Variants in CRACD observed in about 807,000 individuals in gnomAD.
CRACD encodes the protein capping protein-inhibiting regulator of actin dynamics.
CRACD carries 56 observed loss-of-function variants against 106.8 expected under a neutral mutation model. That is an observed-to-expected ratio of 0.52 (90% confidence interval 0.42 to 0.66). CRACD has a LOEUF of 0.66. CRACD is among the 30% of genes least tolerant of loss of function. CRACD has a pLI of 0.00. For missense variants in CRACD, 1,730 were observed against 1,623.2 expected (o/e 1.07, Z -1.13); for synonymous variants, 754 against 670.8 (o/e 1.12, Z -1.92).
At chr4:56,313,814 T>A (rs1430044667) in intron 7 of CRACD, among the ~76,000 whole-genome samples, 2 of 151,930 alleles carry the variant, frequency 1.3e-5, no homozygotes, top group Admixed American at 6.6e-5. Flanking sequence ...AAGGAGCTGG[T>A]GGGGAGGGGG....
At chr4:56,268,614 G>A (rs935301501) in intron 2 of CRACD, among the ~76,000 whole-genome samples, 2 of 152,182 alleles carry the variant, frequency 1.3e-5, no homozygotes, top group African/African-American at 4.8e-5. Flanking sequence ...CTGTGATGCT[G>A]CCAAACTAGA....
chr4:56,227,581 G>T lies in CRACD; in HGVS notation c.-188-44740G>T, dbSNP rs1577766397. Among the ~76,000 whole-genome samples, 4 of 152,186 alleles carry T rather than the reference G, an allele frequency of 2.6e-5. No homozygotes were observed. In the East Asian group the frequency reaches 7.7e-4, roughly 29 times the overall value. On this transcript the variant is annotated intron_variant, in intron 2 of 10. Coordinates refer to ENST00000682029, the MANE Select transcript of CRACD (RefSeq NM_001393381.1). The stretch of plus-strand genomic sequence containing the variant: ...CAGAGATCGACCAACTTTTATAAAG[G>T]GCCAGATAGTAAATATTTTAGGCTT...
intron 2 of CRACD, among the ~76,000 whole-genome samples, chr4:56,251,311 G>T (rs1244400867): frequency 6.6e-6 from 1 of 152,102 alleles, no homozygotes; most frequent in Non-Finnish European, 1.5e-5. Flanking sequence ...AACTTTTCTG[G>T]TCTCACGTAG....
At chr4:56,142,120 CATT>C (rs1735224865) in intron 1 of CRACD, among the ~76,000 whole-genome samples, 2 of 152,174 alleles carry the variant, frequency 1.3e-5, no homozygotes. Context: ...CAGAAATAAT[CATT>C]GTTAATATTT....
chr4:56,183,281 A>G (rs1244962445), intron 2 of CRACD, among the ~76,000 whole-genome samples: 1 of 148,038 alleles, frequency 6.8e-6, no homozygotes, highest in Non-Finnish European at 1.5e-5. Flanking sequence ...AAAATAAAAT[A>G]AAATAAAAAG....
At chr4:56,133,029 A>G (rs1216256714) in intron 1 of CRACD, among the ~76,000 whole-genome samples, 1 of 152,220 alleles carries the variant, frequency 6.6e-6, no homozygotes, top group Non-Finnish European at 1.5e-5. Flanking sequence ...AGCAGACAAC[A>G]CAGCAGAAGC....
At chr4:56,285,526 A>T (rs1356302785) in intron 3 of CRACD, among the ~76,000 whole-genome samples, 1 of 151,992 alleles carries the variant, frequency 6.6e-6, no homozygotes, top group African/African-American at 2.4e-5. Flanking sequence ...TGCAGCCTCA[A>T]ACTCCTGAAT....
At chr4:56,133,295 G>A (rs971244923) in intron 1 of CRACD, among the ~76,000 whole-genome samples, 1 of 152,226 alleles carries the variant, frequency 6.6e-6, no homozygotes, top group African/African-American at 2.4e-5. Context: ...AACGGGCAAT[G>A]TGTAGTGTGG....
chr4:56,201,614 C>CA (rs1409361655), intron 2 of CRACD, among the ~76,000 whole-genome samples: 2 of 151,518 alleles, frequency 1.3e-5, no homozygotes, highest in Non-Finnish European at 2.9e-5. Context: ...CACAGATGGC[C>CA]AAAAAAATAC....
chr4:56,206,122 G>T (rs1450027873), intron 2 of CRACD, among the ~76,000 whole-genome samples: 2 of 152,196 alleles, frequency 1.3e-5, no homozygotes, highest in African/African-American at 4.8e-5. Context: ...AAAATAACCA[G>T]TTCTCTAGGT....
chr4:56,232,700 C>CTTTCTTTATTTA (rs1553912494), intron 2 of CRACD, among the ~76,000 whole-genome samples: 1 of 141,588 alleles, frequency 7.1e-6, no homozygotes, highest in Non-Finnish European at 1.5e-5. Context: ...AAACATGTAT[C>CTTTCTTTATTTA]TTTATTTATT....
rs1176976963 is a variant in CRACD, at chr4:56,066,683, T to C, written c.-336+17384T>C. On this transcript the variant is annotated intron_variant, in intron 1 of 10. Transcript: ENST00000682029. The stretch of plus-strand genomic sequence containing the variant: ...TGACACTCCCTGGTAAACAGGATTG[T>C]TCTGCTCTGGCCCTATATGTCTGCC... Among the ~76,000 whole-genome samples the C allele has an allele frequency of 2.0e-5, 3 of 152,316 alleles. No individual in the cohort carries two copies. The East Asian group carries it at 5.8e-4, about 29-fold the overall frequency.
At chr4:56,323,709 T>A in intron 9 of CRACD, 142 bp downstream of exon 9, 2 of 808,740 alleles carry the variant, frequency 2.5e-6, no homozygotes, top group Non-Finnish European at 3.7e-6. Flanking sequence ...TGACCACCAT[T>A]AAACCAGGGA....
intron 1 of CRACD, among the ~76,000 whole-genome samples, chr4:56,061,370 C>T (rs1732267876): frequency 6.6e-6 from 1 of 152,056 alleles, no homozygotes; most frequent in Non-Finnish European, 1.5e-5. Flanking sequence ...TGGGGTCTTG[C>T]CATGTTGCCT....
At chr4:56,223,819 C>T (rs1469616561) in intron 2 of CRACD, among the ~76,000 whole-genome samples, 2 of 152,180 alleles carry the variant, frequency 1.3e-5, no homozygotes, top group Non-Finnish European at 1.5e-5. Context: ...AGTACAGTGA[C>T]GCAGTCTCAG....
chr4:56,204,957 GA>G (rs147459929), intron 2 of CRACD, among the ~76,000 whole-genome samples: 6,840 of 152,156 alleles, frequency 0.045, 507 homozygotes, highest in African/African-American at 0.16. Flanking sequence ...CTGAGTTCGG[GA>G]CCAGCCTGGG....
intron 1 of CRACD, among the ~76,000 whole-genome samples, chr4:56,160,774 G>A (rs1735924556): frequency 1.3e-5 from 2 of 152,194 alleles, no homozygotes; most frequent in South Asian, 2.1e-4. Context: ...ATGCGCACCT[G>A]TTACGTGATA....
intron 2 of CRACD, among the ~76,000 whole-genome samples, chr4:56,243,203 G>T (rs1339036825): frequency 2.0e-5 from 3 of 152,156 alleles, no homozygotes; most frequent in Admixed American, 2.0e-4. Flanking sequence ...TCTCTTAAAA[G>T]AAATCTGTTT....
intron 1 of CRACD, among the ~76,000 whole-genome samples, chr4:56,127,407 G>A (rs1000594070): frequency 5.9e-5 from 9 of 152,202 alleles, no homozygotes; most frequent in African/African-American, 1.7e-4. Flanking sequence ...AGAGGAAAGA[G>A]AGGAGTGCAT....
Sources: gnomAD v4.1 joint callset for allele counts (sites outside exome capture counted in the v4.1 genomes callset) on GRCh38, gnomAD v4.1.1 for gene constraint, MANE v1.5 for transcripts, NCBI Gene and HGNC (gene_info 2026-07-23, HGNC 2026-07-21) for gene names.